The following EXOC4 variants were observed in gnomAD, a reference collection of about 807,000 sequenced individuals.
EXOC4 encodes the protein exocyst complex component 4.
EXOC4 carries 71 observed loss-of-function variants against 107.2 expected under a neutral mutation model. The observed-to-expected ratio is 0.66, with a 90% CI of 0.55 to 0.81. The LOEUF is 0.81. Ranked by LOEUF, EXOC4 falls within the 30% of genes least tolerant of loss-of-function variation. The pLI is 0.00. For synonymous variants in EXOC4, 456 were observed against 441.2 expected, an observed-to-expected ratio of 1.03 and a Z score of -0.42; for missense variants, 1,108 against 1,189.6, an observed-to-expected ratio of 0.93 and a Z score of 1.01.
At chr7:133,938,948 G>T (rs1268080571) in intron 14 of EXOC4, among the ~76,000 whole-genome samples, 7 of 152,044 alleles carry the variant, frequency 4.6e-5, no homozygotes, top group African/African-American at 1.7e-4. Context: ...GATTACAAGT[G>T]TGCACCACCA....
chr7:133,950,986 C>A (rs546651674), intron 14 of EXOC4, among the ~76,000 whole-genome samples: 4 of 152,198 alleles, frequency 2.6e-5, no homozygotes, highest in African/African-American at 9.7e-5. Flanking sequence ...GCTAGAGAAA[C>A]ACCCCCACAA....
intron 7 of EXOC4, among the ~76,000 whole-genome samples, chr7:133,378,337 G>A (rs1335357404): frequency 1.4e-5 from 2 of 142,130 alleles, no homozygotes; most frequent in Non-Finnish European, 3.0e-5. Flanking sequence ...AGTTTTTCAG[G>A]CTGAAGGAAA....
chr7:133,562,742 G>T (rs561545540), intron 9 of EXOC4, among the ~76,000 whole-genome samples: 1 of 152,274 alleles, frequency 6.6e-6, no homozygotes, highest in South Asian at 2.1e-4. Context: ...TATTGGGTTC[G>T]TGTATCATAC....
At chr7:133,652,465 A>T (rs1283410997) in intron 10 of EXOC4, among the ~76,000 whole-genome samples, 4 of 152,044 alleles carry the variant, frequency 2.6e-5, no homozygotes, top group Non-Finnish European at 5.9e-5. Context: ...AAACAACCAA[A>T]CCTCAGTTCC....
intron 10 of EXOC4, among the ~76,000 whole-genome samples, chr7:133,660,204 G>C (rs1803406671): frequency 1.4e-5 from 2 of 147,956 alleles, no homozygotes; most frequent in African/African-American, 5.0e-5. Context: ...GCCTTGAATT[G>C]ATTGCTTCCC....
chr7:133,585,897 G>A (rs1801392326), intron 9 of EXOC4, among the ~76,000 whole-genome samples: 1 of 151,998 alleles, frequency 6.6e-6, no homozygotes, highest in Non-Finnish European at 1.5e-5. Context: ...GTTTCACCAT[G>A]TTGGCCAGGC....
intron 9 of EXOC4, among the ~76,000 whole-genome samples, chr7:133,574,496 C>G (rs1801086942): frequency 1.3e-5 from 2 of 152,138 alleles, no homozygotes; most frequent in African/African-American, 4.8e-5. Context: ...GATTTTGGGA[C>G]TGGGTAAATT....
At chr7:133,780,847 CCT>C (rs555317818) in intron 10 of EXOC4, among the ~76,000 whole-genome samples, 74 of 152,258 alleles carry the variant, frequency 4.9e-4, no homozygotes, top group African/African-American at 1.6e-3. Context: ...CTGCCACACC[CCT>C]GTTAGCATGT....
chr7:134,047,694 G>T (rs1380780368), intron 17 of EXOC4, among the ~76,000 whole-genome samples: 1 of 142,662 alleles, frequency 7.0e-6, no homozygotes, highest in Admixed American at 7.8e-5. Context: ...TCACAAGGAG[G>T]TTTTGTGACC....
At chr7:133,302,008 G>A (rs1383360331) in intron 3 of EXOC4, among the ~76,000 whole-genome samples, 2 of 152,128 alleles carry the variant, frequency 1.3e-5, no homozygotes, top group Non-Finnish European at 2.9e-5. Context: ...TAGACATTGG[G>A]AAAGAAAATT....
At chr7:133,937,663 C>T (rs561721332) in intron 13 of EXOC4, among the ~76,000 whole-genome samples, 3 of 152,310 alleles carry the variant, frequency 2.0e-5, no homozygotes, top group Non-Finnish European at 4.4e-5. Context: ...CTGTTGAAGG[C>T]ACAATCATTG....
chr7:133,961,580 C>T (rs1462459696), intron 14 of EXOC4, among the ~76,000 whole-genome samples: 3 of 152,108 alleles, frequency 2.0e-5, no homozygotes, highest in Non-Finnish European at 4.4e-5. Flanking sequence ...CATGAGCCCC[C>T]GTGCCCAGCC....
At chr7:133,989,662 A>C (rs1794203122) in intron 14 of EXOC4, among the ~76,000 whole-genome samples, 1 of 152,246 alleles carries the variant, frequency 6.6e-6, no homozygotes, top group Non-Finnish European at 1.5e-5. Context: ...CAGCCAGTAG[A>C]TTTGGCAATT....
At chr7:133,394,360 C>T (rs1433757069) in intron 7 of EXOC4, among the ~76,000 whole-genome samples, 3 of 152,080 alleles carry the variant, frequency 2.0e-5, no homozygotes, top group Non-Finnish European at 4.4e-5. Context: ...GTGAAATGTA[C>T]TTGCTGCAAA....
chr7:133,775,117 ATT>A (rs775996524), intron 10 of EXOC4, among the ~76,000 whole-genome samples: 13 of 152,042 alleles, frequency 8.6e-5, no homozygotes, highest in Admixed American at 2.0e-4. Flanking sequence ...ATTTTACATG[ATT>A]TTTTTGTTCT....
At chr7:133,417,842 T>C (rs534262469) in intron 7 of EXOC4, among the ~76,000 whole-genome samples, 11 of 152,288 alleles carry the variant, frequency 7.2e-5, no homozygotes, top group African/African-American at 2.6e-4. Flanking sequence ...TTAAATTTAT[T>C]TGTAGACTGT....
chr7:133,861,781 G>A (rs1484498946), intron 11 of EXOC4, among the ~76,000 whole-genome samples: 2 of 152,162 alleles, frequency 1.3e-5, no homozygotes, highest in African/African-American at 4.8e-5. Flanking sequence ...TGATTCACCT[G>A]TCTGGGCCTC....
At chr7:133,291,096 A>C (rs1584783449) in intron 3 of EXOC4, 4 of 152,178 alleles carry the variant, frequency 2.6e-5, no homozygotes, top group Admixed American at 2.6e-4. Flanking sequence ...GTTGGGTATG[A>C]TAATCATCAA....
chr7:133,944,396 T>G (rs1466967054), intron 14 of EXOC4, among the ~76,000 whole-genome samples: 1 of 152,184 alleles, frequency 6.6e-6, no homozygotes, highest in Non-Finnish European at 1.5e-5. Context: ...TCTGGGTTTA[T>G]CTGGTGTCTT....
Sources: gnomAD v4.1 joint callset for allele counts (sites outside exome capture counted in the v4.1 genomes callset) on GRCh38, gnomAD v4.1.1 for gene constraint, MANE v1.5 for transcripts, NCBI Gene and HGNC (gene_info 2026-07-23, HGNC 2026-07-21) for gene names.